Variants in PRRC1 observed in about 807,000 individuals in gnomAD.
PRRC1 encodes protein PRRC1.
PRRC1 carries 39 observed loss-of-function variants against 40.7 expected under a neutral mutation model. The ratio of observed to expected loss-of-function variants is 0.96; its 90% CI spans 0.74 to 1.25. The LOEUF is 1.25. PRRC1 is among the 50% of genes most tolerant of loss of function. PRRC1 has a pLI of 0.00. For synonymous variants in PRRC1, 175 were observed against 193.3 expected, an observed-to-expected ratio of 0.91 and a Z score of 0.79; for missense variants, 573 against 548.3, an observed-to-expected ratio of 1.05 and a Z score of -0.45.
intron 8 of PRRC1, chr5:127,551,484 C>T (rs1768379668): frequency 2.0e-6 from 1 of 503,930 alleles, no homozygotes; most frequent in Non-Finnish European, 3.5e-6. Context: ...CGACTGTTAG[C>T]CTCGTTAATG....
chr5:127,534,636 TTCC>T (rs1767849220), intron 6 of PRRC1, among the ~76,000 whole-genome samples: 1 of 152,202 alleles, frequency 6.6e-6, no homozygotes, highest in African/African-American at 2.4e-5. Context: ...CCTTTGCTGA[TTCC>T]TCCTCTTCTC....
intron 1 of PRRC1, among the ~76,000 whole-genome samples, chr5:127,523,253 T>C (rs1767509973): frequency 2.0e-5 from 3 of 152,242 alleles, no homozygotes. Context: ...CATGGGAATG[T>C]TACAGATTGT....
At position 127,521,110 on chromosome 5, in the gene PRRC1, A is replaced by G. The variant is rs182543679; in HGVS notation, c.-20-2350A>G. ...TACAATGAGTTCTGAGATCCTCTCC[A>G]AAGAACCAGTGTATCAGTATGTTCA... On this transcript the variant is annotated intron_variant, in intron 1 of 8. Coordinates refer to ENST00000296666, the MANE Select transcript of PRRC1 (RefSeq NM_130809.5). Among the ~76,000 whole-genome samples, 759 of 152,334 alleles carry G rather than the reference A, an allele frequency of 5.0e-3. 8 individuals carry two copies. The Middle Eastern group carries it at 0.068, about 14-fold the overall frequency.
At chr5:127,535,765 A>T (rs1767884550) in intron 6 of PRRC1, among the ~76,000 whole-genome samples, 1 of 152,154 alleles carries the variant, frequency 6.6e-6, no homozygotes, top group Admixed American at 6.6e-5. Flanking sequence ...AAAGCATTAG[A>T]ATGAGGTAAT....
At chr5:127,544,349 G>T (rs1309946908) in intron 7 of PRRC1, among the ~76,000 whole-genome samples, 5 of 152,224 alleles carry the variant, frequency 3.3e-5, no homozygotes, top group African/African-American at 1.2e-4. Context: ...ACTTGAGGAG[G>T]CAGTCTGCCC....
chr5:127,552,204 A>G lies in PRRC1; in HGVS notation c.*288A>G, dbSNP rs1170522978. 1.7e-6 allele frequency: 2 copies of G among 1,145,130 alleles called. No individual in the cohort carries two copies. Among genetic ancestry groups the G allele is most frequent in the African/African-American group, 1.6e-5 (1 of 62,986 alleles). The allele number at this position is 1,145,130 out of a possible 1,614,324, so 70.9% of individuals were successfully genotyped here. ...AATATACCAGATTTATAAGGTGGAA[A>G]TTCATGTGCAGAGACATTTAACTTA... is the stretch of plus-strand genomic sequence containing the variant. On this transcript the variant is annotated 3_prime_UTR_variant, in exon 9 of 9. Coordinates refer to ENST00000296666, the MANE Select transcript of PRRC1 (RefSeq NM_130809.5).
intron 7 of PRRC1, among the ~76,000 whole-genome samples, chr5:127,546,791 C>T (rs745578862): frequency 4.6e-5 from 7 of 152,130 alleles, no homozygotes; most frequent in African/African-American, 7.2e-5. Context: ...TAGCTAAGCT[C>T]GACTTTATGG....
chr5:127,530,400 T>C lies in PRRC1; in HGVS notation c.757+4T>C. On this transcript the variant is annotated splice_donor_region_variant and intron_variant, in intron 5 of 8. Transcript: ENST00000296666. ...CCTGGCATGGCTCCCTATATCAGTATGTACATAAGTTAGACCGGTATCTGC... is the reference window on the plus strand; with the variant it reads ...CCTGGCATGGCTCCCTATATCAGTACGTACATAAGTTAGACCGGTATCTGC... The C allele has an allele frequency of 6.2e-7, 1 of 1,608,664 alleles. No individual in the cohort carries two copies.
rs563073713 is a variant in PRRC1, at chr5:127,535,458, GA to G, written c.921+1674del. On this transcript the variant is annotated intron_variant, in intron 6 of 8. Transcript: ENST00000296666. ...GTTTACATTGTGTCAGCTGAAAGAAGAAGTCAGGGCACTGCCTTGTTCAGCC... is the reference window on the plus strand; with the variant it reads ...GTTTACATTGTGTCAGCTGAAAGAAGAGTCAGGGCACTGCCTTGTTCAGCC... Among the ~76,000 whole-genome samples, 110 of 152,290 alleles carry G rather than the reference GA, an allele frequency of 7.2e-4. 1 individual carries two copies. Among genetic ancestry groups the G allele is most frequent in the Non-Finnish European group, 1.3e-3 (91 of 68,016 alleles).
At chr5:127,521,515 T>C (rs542507257) in intron 1 of PRRC1, among the ~76,000 whole-genome samples, 58 of 152,326 alleles carry the variant, frequency 3.8e-4, no homozygotes, top group African/African-American at 1.3e-3. Flanking sequence ...TGTTCAGGTG[T>C]GCTCTTGACA....
At chr5:127,526,908 A>T in intron 4 of PRRC1, 130 bp downstream of exon 4, 1 of 728,390 alleles carries the variant, frequency 1.4e-6, no homozygotes, top group Non-Finnish European at 2.1e-6. Flanking sequence ...AGTTTTCTGT[A>T]GCTGCTCTCA....
chr5:127,528,930 GTTC>G (rs777162654), intron 4 of PRRC1, among the ~76,000 whole-genome samples: 5 of 152,158 alleles, frequency 3.3e-5, no homozygotes, highest in South Asian at 4.1e-4. Flanking sequence ...CTGTTTCCCT[GTTC>G]TTGTAGTAGA....
Position 127,553,147 on chromosome 5 carries a change from C to A in PRRC1, c.*1231C>A, listed in dbSNP as rs1768437639. ...AATTTTTTTACTCTTCTATACAGTT[C>A]TTTAGATGTAAAAGAATTAGCACAA... is the stretch of plus-strand genomic sequence containing the variant. On this transcript the variant is annotated 3_prime_UTR_variant, in exon 9 of 9. Coordinates refer to ENST00000296666, the MANE Select transcript of PRRC1 (RefSeq NM_130809.5). 1 of 972,540 alleles carries A rather than the reference C, an allele frequency of 1.0e-6. No individual in the cohort carries two copies. Among genetic ancestry groups the A allele is most frequent in the Non-Finnish European group, 1.2e-6 (1 of 818,662 alleles). The allele number at this position is 972,540 out of a possible 1,614,324, so 60.2% of individuals were successfully genotyped here.
At position 127,551,711 on chromosome 5, in the gene PRRC1, A is replaced by G; in HGVS notation, c.1133A>G (p.Gln378Arg). ...ATCAATTTCATCTTTCCACAGGCTCAAAGTCTAACTCCCCAGGACTATAAT... is the reference window on the plus strand; with the variant it reads ...ATCAATTTCATCTTTCCACAGGCTCGAAGTCTAACTCCCCAGGACTATAAT... ...PVPLEFVQQA[Q>R]SLTPQDYNLR... The change falls in exon 9 of 9, where the codon CAA becomes CGA. Residue 378 changes from glutamine to arginine, a missense_variant. Physicochemically the swap from Gln to Arg is conservative, Grantham distance 43. Coordinates refer to ENST00000296666, the MANE Select transcript of PRRC1 (RefSeq NM_130809.5). 5 of 1,614,080 alleles carry G rather than the reference A, an allele frequency of 3.1e-6. No homozygotes were observed. The highest frequency in any genetic ancestry group is 4.2e-6 in the Non-Finnish European group (5 of 1,179,940).
At position 127,553,829 on chromosome 5, in the gene PRRC1, T is replaced by C. The variant is rs1383292601; in HGVS notation, c.*1913T>C. 5 of 1,535,688 alleles carry C rather than the reference T, an allele frequency of 3.3e-6. No individual in the cohort carries two copies. Among genetic ancestry groups the C allele is most frequent in the South Asian group, 1.2e-5 (1 of 84,062 alleles). ...TTTTCCTAGAATCCCCAAAGAGCAG[T>C]GGCAGTCCATGGCTTGGTTGAAGCT... On this transcript the variant is annotated 3_prime_UTR_variant, in exon 9 of 9. Coordinates refer to ENST00000296666, the MANE Select transcript of PRRC1 (RefSeq NM_130809.5).
At chr5:127,528,212 A>AT (rs1196314772) in intron 4 of PRRC1, among the ~76,000 whole-genome samples, 1 of 152,146 alleles carries the variant, frequency 6.6e-6, no homozygotes. Flanking sequence ...AGTTTTCTCA[A>AT]TTTTTAGTTT....
At chr5:127,544,703 C>A (rs1768162144) in intron 7 of PRRC1, among the ~76,000 whole-genome samples, 1 of 152,214 alleles carries the variant, frequency 6.6e-6, no homozygotes, top group Admixed American at 6.5e-5. Flanking sequence ...GATATAATCT[C>A]CTGGTGCGCT....
intron 5 of PRRC1, among the ~76,000 whole-genome samples, chr5:127,532,099 A>C (rs1328612083): frequency 2.0e-5 from 3 of 151,664 alleles, no homozygotes; most frequent in Non-Finnish European, 4.4e-5. Flanking sequence ...AGTAAATCTT[A>C]AGGTTTTTTT....
intron 7 of PRRC1, among the ~76,000 whole-genome samples, chr5:127,546,196 C>T (rs1392280457): frequency 2.0e-5 from 3 of 152,166 alleles, no homozygotes; most frequent in Non-Finnish European, 4.4e-5. Flanking sequence ...ACTAATCCTG[C>T]CTTCTGCTGT....
Sources: gnomAD v4.1 joint callset for allele counts (sites outside exome capture counted in the v4.1 genomes callset) on GRCh38, gnomAD v4.1.1 for gene constraint, MANE v1.5 for transcripts, NCBI Gene and HGNC (gene_info 2026-07-23, HGNC 2026-07-21) for gene names.